The following PCDHA1 variants were observed in gnomAD, a reference collection of about 807,000 sequenced individuals.
The protein encoded by PCDHA1 is protocadherin alpha-1.
Under a neutral mutation model 61.3 loss-of-function variants are expected in PCDHA1, and 42 were observed. That is an observed-to-expected ratio of 0.69 (90% confidence interval 0.54 to 0.89). The LOEUF is 0.89. Among genes scored for constraint, PCDHA1 ranks in the 40% least tolerant of loss-of-function variants. The probability of loss-of-function intolerance (pLI) is 0.00; values close to 1 mark genes in which losing one functional copy is unlikely to be tolerated. For missense variants in PCDHA1, 1,256 were observed against 1,235.3 expected (o/e 1.02, Z -0.25); for synonymous variants, 610 against 553.8 (o/e 1.10, Z -1.43).
rs1554117763 is a variant in PCDHA1, at chr5:140,787,310, G to A, written c.1020G>A (p.Val340=). 3.1e-6 allele frequency: 5 copies of A among 1,614,192 alleles called. No individual in the cohort carries two copies. Among genetic ancestry groups the A allele is most frequent in the Non-Finnish European group, 4.2e-6 (5 of 1,180,010 alleles). ...ATCACTGTAAGGTTTTGGTGAAAGT[G>A]CTGGATGTAAATGATAATGCTCCAG... The part of the protein sequence containing the change: ...MSNHCKVLVK[V]LDVNDNAPEL... The change falls in exon 1 of 4, where the codon GTG becomes GTA. Residue 340 remains valine, a synonymous_variant. Coordinates refer to ENST00000504120, the MANE Select transcript of PCDHA1 (RefSeq NM_018900.4).
At chr5:140,795,016 C>T in intron 1 of PCDHA1, 1 of 1,613,802 alleles carries the variant, frequency 6.2e-7, no homozygotes. Flanking sequence ...GCTGCTCTCG[C>T]TTCTGCTCCT....
At chr5:140,915,840 G>C (rs1554197129) in intron 1 of PCDHA1, among the ~76,000 whole-genome samples, 1 of 152,142 alleles carries the variant, frequency 6.6e-6, no homozygotes, top group African/African-American at 2.4e-5. Context: ...AGATCAGCAG[G>C]GGGTGACACC....
At chr5:140,975,056 A>G (rs1006106436) in intron 1 of PCDHA1, among the ~76,000 whole-genome samples, 3 of 152,154 alleles carry the variant, frequency 2.0e-5, no homozygotes, top group Non-Finnish European at 4.4e-5. Flanking sequence ...AGAATCTACT[A>G]TCGAGCTCAT....
intron 1 of PCDHA1, chr5:140,968,038 C>T (rs1554230238): frequency 8.7e-6 from 14 of 1,614,148 alleles, no homozygotes; most frequent in East Asian, 2.2e-5. Flanking sequence ...TGGTGGTGAG[C>T]GGCCCACTGG....
chr5:140,826,209 A>G (rs1474766554), intron 1 of PCDHA1, among the ~76,000 whole-genome samples: 1 of 152,256 alleles, frequency 6.6e-6, no homozygotes, highest in Non-Finnish European at 1.5e-5. Flanking sequence ...CACATTTTAA[A>G]AAATCAAGTT....
intron 1 of PCDHA1, chr5:140,829,855 C>A: frequency 6.2e-7 from 1 of 1,613,928 alleles, no homozygotes; most frequent in Non-Finnish European, 8.5e-7. Context: ...TGGGTGCAGG[C>A]CAAGTGGTGG....
chr5:140,892,218 T>C (rs182162644), intron 1 of PCDHA1, among the ~76,000 whole-genome samples: 23 of 152,308 alleles, frequency 1.5e-4, no homozygotes, highest in Admixed American at 1.4e-3. Context: ...ATTGTATCTT[T>C]ATGGTGTTTT....
chr5:140,956,707 C>T (rs1461272130), intron 1 of PCDHA1, among the ~76,000 whole-genome samples: 9 of 152,120 alleles, frequency 5.9e-5, no homozygotes, highest in Non-Finnish European at 1.3e-4. Flanking sequence ...TTTGGAATAG[C>T]TTCAGAAGAA....
At chr5:140,886,368 C>T (rs1174734883) in intron 1 of PCDHA1, among the ~76,000 whole-genome samples, 2 of 152,040 alleles carry the variant, frequency 1.3e-5, no homozygotes, top group South Asian at 4.1e-4. Context: ...GGTGTACATG[C>T]CATGGTGTGC....
intron 1 of PCDHA1, chr5:140,841,953 T>A: frequency 6.2e-7 from 1 of 1,613,834 alleles, no homozygotes; most frequent in Non-Finnish European, 8.5e-7. Flanking sequence ...CACCACTTAT[T>A]CCTGACAGCC....
At position 140,911,726 on chromosome 5, in the gene PCDHA1, G is replaced by GTTCGTGCCAAGGAC. The variant is rs372287116; in HGVS notation, c.2395-67221_2395-67208dup. On this transcript the variant is annotated intron_variant, in intron 1 of 3. Transcript: ENST00000504120. ...TTTATTTTGTGTAACTCTGTAAACAGTTCGTGCCAAGGACTATCAGTGTTC... is the reference window on the plus strand; with the variant it reads ...TTTATTTTGTGTAACTCTGTAAACAGTTCGTGCCAAGGACTTCGTGCCAAGGACTATCAGTGTTC... Among the ~76,000 whole-genome samples, 876 of 152,272 alleles carry GTTCGTGCCAAGGAC rather than the reference G, an allele frequency of 5.8e-3. 6 individuals are homozygous for GTTCGTGCCAAGGAC. The highest frequency in any genetic ancestry group is 0.018 in the African/African-American group (761 of 41,552).
At chr5:140,956,073 T>C (rs2095254120) in intron 1 of PCDHA1, among the ~76,000 whole-genome samples, 1 of 152,208 alleles carries the variant, frequency 6.6e-6, no homozygotes, top group South Asian at 2.1e-4. Context: ...TTTCCAGATA[T>C]AGGATCATGT....
intron 1 of PCDHA1, chr5:140,883,793 T>C (rs782783912): frequency 6.2e-7 from 1 of 1,612,328 alleles, no homozygotes; most frequent in South Asian, 1.1e-5. Flanking sequence ...GAGCTACGTG[T>C]CGGTGCACGC....
intron 1 of PCDHA1, chr5:140,882,846 C>T (rs1554175786): frequency 2.5e-6 from 4 of 1,614,188 alleles, no homozygotes; most frequent in Non-Finnish European, 3.4e-6. Context: ...TCTTCATTAT[C>T]ACTTGTACTG....
At chr5:140,878,093 G>C (rs1209778256) in intron 1 of PCDHA1, 1 of 292,952 alleles carries the variant, frequency 3.4e-6, no homozygotes, top group Non-Finnish European at 6.0e-6. Context: ...TTATATGACT[G>C]ATGAACCTTG....
In PCDHA1 at chr5:140,929,079, T is replaced by G. The variant is rs76301676; in HGVS notation, c.2395-49870T>G. 5,184 of 1,614,178 alleles carry G rather than the reference T, an allele frequency of 3.2e-3. 26 individuals are homozygous for G. Among genetic ancestry groups the G allele is most frequent in the African/African-American group, 0.019 (1,450 of 75,034 alleles). On this transcript the variant is annotated intron_variant, in intron 1 of 3. Transcript: ENST00000504120. ...CTACAGAGGATCTGAGGTATGGAAGTAAGATGGTTTCAAATCCTTGCATGA... is the reference window on the plus strand; with the variant it reads ...CTACAGAGGATCTGAGGTATGGAAGGAAGATGGTTTCAAATCCTTGCATGA...
intron 1 of PCDHA1, among the ~76,000 whole-genome samples, chr5:140,933,899 G>T (rs2089496307): frequency 6.6e-6 from 1 of 151,508 alleles, no homozygotes; most frequent in African/African-American, 2.4e-5. Flanking sequence ...TGAATATTTT[G>T]GCATAAAGTT....
intron 1 of PCDHA1, among the ~76,000 whole-genome samples, chr5:140,898,600 G>A (rs2066865388): frequency 6.6e-6 from 1 of 152,184 alleles, no homozygotes; most frequent in Non-Finnish European, 1.5e-5. Context: ...TAGCCTTGTA[G>A]TATAGTTTGA....
chr5:140,807,122 G>A (rs1167466402), intron 1 of PCDHA1: 7 of 1,539,976 alleles, frequency 4.5e-6, no homozygotes, highest in South Asian at 2.5e-5. Flanking sequence ...TTGACTGACC[G>A]ATTAAAAGAT....
Sources: allele counts gnomAD v4.1 joint callset (sites outside exome capture counted in the v4.1 genomes callset), GRCh38; gene constraint gnomAD v4.1.1; transcripts MANE v1.5; gene names NCBI Gene and HGNC (gene_info 2026-07-23, HGNC 2026-07-21).